The following SPAG16 variants were observed in gnomAD, a reference collection of about 807,000 sequenced individuals.
SPAG16 encodes sperm associated antigen 16.
A neutral mutation model predicts 80.4 loss-of-function variants in SPAG16; 86 were observed. The ratio of observed to expected loss-of-function variants is 1.07; its 90% CI spans 0.90 to 1.28. The LOEUF (loss-of-function observed/expected upper bound fraction) is 1.28, where lower values mean the gene tolerates loss of function less well. Ranked by LOEUF, SPAG16 falls within the 50% of genes most tolerant of loss-of-function variation. SPAG16 has a pLI of 0.00. For synonymous variants in SPAG16, 294 were observed against 265.9 expected (o/e 1.11, Z -1.03); for missense variants, 870 against 765.3 (o/e 1.14, Z -1.61).
In SPAG16 at chr2:213,912,296, A is replaced by G. The variant is rs534326200; in HGVS notation, c.1215-17664A>G. 1.7e-3 allele frequency among the ~76,000 whole-genome samples: 254 copies of G among 152,322 alleles called. 1 individual carries two copies. The highest frequency in any genetic ancestry group is 5.9e-3 in the African/African-American group (247 of 41,582). On this transcript the variant is annotated intron_variant, in intron 11 of 15. Transcript: ENST00000331683. Reference sequence around the variant, plus strand: ...GTTATACACTTTCTGATTAAACAATAAAATCCAACATCTTTAGCTTTCTAA... The same window carrying G: ...GTTATACACTTTCTGATTAAACAATGAAATCCAACATCTTTAGCTTTCTAA...
At chr2:213,347,815 C>G (rs910178555) in intron 6 of SPAG16, among the ~76,000 whole-genome samples, 1 of 152,112 alleles carries the variant, frequency 6.6e-6, no homozygotes, top group Non-Finnish European at 1.5e-5. Flanking sequence ...ACTGTGTGGT[C>G]AGTTTTGGAA....
chr2:214,054,040 C>G (rs934359522), intron 13 of SPAG16, among the ~76,000 whole-genome samples: 1 of 152,014 alleles, frequency 6.6e-6, no homozygotes, highest in Non-Finnish European at 1.5e-5. Flanking sequence ...TTGCCCTGTA[C>G]GGAGCCTCCC....
chr2:213,946,388 C>T (rs2079472480), intron 12 of SPAG16, among the ~76,000 whole-genome samples: 51 of 152,188 alleles, frequency 3.4e-4, no homozygotes, highest in African/African-American at 9.4e-4. Context: ...GCTGGGATTA[C>T]AGGCGTGAGC....
intron 13 of SPAG16, among the ~76,000 whole-genome samples, chr2:214,041,579 AATTGT>A (rs1575940327): frequency 1.3e-5 from 2 of 151,748 alleles, no homozygotes; most frequent in Non-Finnish European, 2.9e-5. Context: ...TTAGTCTTCC[AATTGT>A]ATTGTATTGT....
intron 15 of SPAG16, among the ~76,000 whole-genome samples, chr2:214,395,805 A>T (rs191237747): frequency 1.1e-4 from 16 of 151,900 alleles, no homozygotes; most frequent in Admixed American, 9.2e-4. Context: ...TTCCTGTGTT[A>T]GTTTGCTTAA....
chr2:213,306,113 A>G lies in SPAG16; in HGVS notation c.280-3946A>G, dbSNP rs141924636. Among the ~76,000 whole-genome samples, 25 of 151,872 alleles carry G rather than the reference A, an allele frequency of 1.6e-4. 1 individual carries two copies. The highest frequency in any genetic ancestry group is 6.0e-4 in the African/African-American group (25 of 41,418). ...TTATCCATTTCTTCTAGGCTTTCCA[A>G]TTTACTGGCACGTAGTTGCTCATTG... On this transcript the variant is annotated intron_variant, in intron 3 of 15. Transcript: ENST00000331683.
chr2:213,551,630 T>G (rs2076782758), intron 10 of SPAG16, among the ~76,000 whole-genome samples: 1 of 152,168 alleles, frequency 6.6e-6, no homozygotes, highest in Non-Finnish European at 1.5e-5. Flanking sequence ...TTTCCTATAG[T>G]GTTATTCTGT....
At chr2:214,364,308 CCTT>C (rs1699351289) in intron 15 of SPAG16, among the ~76,000 whole-genome samples, 2 of 151,966 alleles carry the variant, frequency 1.3e-5, no homozygotes, top group Non-Finnish European at 2.9e-5. Context: ...TGTAAAATGT[CCTT>C]CATTTGTTGT....
rs866037581 is a variant in SPAG16 at position 213,557,034 on chromosome 2, G to T, written c.1070+66944G>T. On this transcript the variant is annotated intron_variant, in intron 10 of 15. Transcript: ENST00000331683. ...TAAAATATTTAAGACTAAGCATCAT[G>T]CTTGGAATATGCTCAAATTAGTATA... 6.6e-5 allele frequency among the ~76,000 whole-genome samples: 10 copies of T among 152,202 alleles called. No individual in the cohort carries two copies. The South Asian group carries it at 8.3e-4, about 13-fold the overall frequency.
At chr2:213,322,363 A>AC (rs2063661847) in intron 5 of SPAG16, among the ~76,000 whole-genome samples, 2 of 120,662 alleles carry the variant, frequency 1.7e-5, no homozygotes, top group African/African-American at 6.1e-5. Context: ...AAAACAAAAA[A>AC]CTCGTTTGGG....
chr2:214,200,960 A>G (rs1195364757), intron 15 of SPAG16, among the ~76,000 whole-genome samples: 5 of 152,180 alleles, frequency 3.3e-5, no homozygotes, highest in Non-Finnish European at 7.3e-5. Flanking sequence ...GAGTAATTGT[A>G]AAGAGAGTTG....
intron 10 of SPAG16, among the ~76,000 whole-genome samples, chr2:213,686,674 C>CTTTTTTTTT (rs748200040): frequency 1.2e-5 from 1 of 86,104 alleles, no homozygotes; most frequent in Admixed American, 1.4e-4. Context: ...ATTAATCCAC[C>CTTTTTTTTT]TTTTTTTTTT....
chr2:214,261,107 C>CAAAAAAAA lies in SPAG16; in HGVS notation c.1720+111880_1720+111887dup, dbSNP rs558534808. Among the ~76,000 whole-genome samples, 40 of 54,470 alleles carry CAAAAAAAA rather than the reference C, an allele frequency of 7.3e-4. 1 individual carries two copies. Among genetic ancestry groups the CAAAAAAAA allele is most frequent in the Non-Finnish European group, 8.6e-4 (27 of 31,432 alleles). 35.7% of individuals were successfully genotyped at this position (54,470 alleles called of 152,430 possible). ...GGGCTACAAGAGCAAGACTCAGTCT[C>CAAAAAAAA]AAAAAAAAAAAAAAAAAAAAAAAAA... On this transcript the variant is annotated intron_variant, in intron 15 of 15. Coordinates refer to ENST00000331683, the MANE Select transcript of SPAG16 (RefSeq NM_024532.5).
chr2:214,305,176 T>C (rs1694828414), intron 15 of SPAG16, among the ~76,000 whole-genome samples: 1 of 152,232 alleles, frequency 6.6e-6, no homozygotes, highest in South Asian at 2.1e-4. Context: ...TATGTTTTCT[T>C]TTGAAAAGTG....
chr2:213,310,924 A>T (rs1354539077), intron 4 of SPAG16, among the ~76,000 whole-genome samples: 1 of 151,800 alleles, frequency 6.6e-6, no homozygotes, highest in Non-Finnish European at 1.5e-5. Flanking sequence ...ATACCTAAAG[A>T]TGTTTATAAT....
chr2:214,369,157 A>G (rs1056910519), intron 15 of SPAG16, among the ~76,000 whole-genome samples: 3 of 152,132 alleles, frequency 2.0e-5, no homozygotes, highest in Non-Finnish European at 2.9e-5. Context: ...ATGAATATGT[A>G]TCTAATTAAG....
At chr2:213,945,518 T>C (rs995793446) in intron 12 of SPAG16, among the ~76,000 whole-genome samples, 2 of 151,988 alleles carry the variant, frequency 1.3e-5, no homozygotes, top group African/African-American at 2.4e-5. Flanking sequence ...GCTGGGAGGC[T>C]AGGCCAGTCT....
At chr2:213,980,199 T>C (rs913470679) in intron 12 of SPAG16, among the ~76,000 whole-genome samples, 4 of 141,582 alleles carry the variant, frequency 2.8e-5, no homozygotes, top group African/African-American at 7.9e-5. Flanking sequence ...ACAAATTTTA[T>C]ATATATATAT....
chr2:213,937,584 C>T (rs918399120), intron 12 of SPAG16, among the ~76,000 whole-genome samples: 2 of 151,718 alleles, frequency 1.3e-5, no homozygotes, highest in South Asian at 2.1e-4. Flanking sequence ...CTGAGTATTA[C>T]GGAGCATAGA....
Sources: allele counts gnomAD v4.1 joint callset (sites outside exome capture counted in the v4.1 genomes callset), GRCh38; gene constraint gnomAD v4.1.1; transcripts MANE v1.5; gene names NCBI Gene and HGNC (gene_info 2026-07-23, HGNC 2026-07-21).